Variants in TMTC2 observed in about 807,000 individuals in gnomAD.
The protein encoded by TMTC2 is transmembrane O-mannosyltransferase targeting cadherins 2, also known as protein O-mannosyl-transferase TMTC2.
TMTC2 carries 43 observed loss-of-function variants against 82.4 expected under a neutral mutation model. That is an observed-to-expected ratio of 0.52 (90% CI 0.41 to 0.67). The LOEUF is 0.67. TMTC2 is among the 30% of genes least tolerant of loss of function. The pLI, the probability that TMTC2 is intolerant of heterozygous loss-of-function variation, is 0.00. For synonymous variants in TMTC2, 408 were observed against 381.9 expected, an observed-to-expected ratio of 1.07 and a Z score of -0.80; for missense variants, 919 against 1,012.4, an observed-to-expected ratio of 0.91 and a Z score of 1.25.
intron 1 of TMTC2, among the ~76,000 whole-genome samples, chr12:82,755,341 ACCT>A (rs145463299): frequency 0.013 from 2,028 of 151,974 alleles, 21 homozygotes; most frequent in Middle Eastern, 0.034. Flanking sequence ...CCTTTGGGAA[ACCT>A]CCTATATTCT....
At chr12:82,927,642 A>G (rs889280110) in intron 3 of TMTC2, among the ~76,000 whole-genome samples, 1 of 152,216 alleles carries the variant, frequency 6.6e-6, no homozygotes. Context: ...TCGTGAAAGG[A>G]AGAGTTAATT....
chr12:82,786,452 C>T (rs555517650), intron 1 of TMTC2, among the ~76,000 whole-genome samples: 2 of 152,192 alleles, frequency 1.3e-5, no homozygotes, highest in South Asian at 2.1e-4. Flanking sequence ...ATTTTATTCA[C>T]GTTGACATAG....
At chr12:83,026,526 C>T (rs1881184132) in intron 8 of TMTC2, among the ~76,000 whole-genome samples, 1 of 151,972 alleles carries the variant, frequency 6.6e-6, no homozygotes, top group East Asian at 1.9e-4. Context: ...TATCAAGACA[C>T]ACTACAGAGT....
At chr12:82,742,339 G>A (rs1034736689) in intron 1 of TMTC2, among the ~76,000 whole-genome samples, 7 of 119,656 alleles carry the variant, frequency 5.9e-5, no homozygotes, top group Non-Finnish European at 1.2e-4. Flanking sequence ...AAATGACAAA[G>A]GGGCCTAAAT....
intron 10 of TMTC2, among the ~76,000 whole-genome samples, chr12:83,057,926 G>A (rs150176857): frequency 6.6e-6 from 1 of 151,856 alleles, no homozygotes; most frequent in African/African-American, 2.4e-5. Flanking sequence ...TTTAAATTTA[G>A]CAGTTTTATA....
intron 11 of TMTC2, among the ~76,000 whole-genome samples, chr12:83,112,699 T>A (rs1884635802): frequency 6.6e-6 from 1 of 152,192 alleles, no homozygotes; most frequent in Non-Finnish European, 1.5e-5. Context: ...ATAAAAGAAT[T>A]GAAAAGATGT....
intron 2 of TMTC2, among the ~76,000 whole-genome samples, chr12:82,863,819 C>T (rs1429008130): frequency 1.3e-5 from 2 of 152,034 alleles, no homozygotes; most frequent in African/African-American, 2.4e-5. Context: ...AGGAACATGC[C>T]AATATGCCAG....
intron 1 of TMTC2, among the ~76,000 whole-genome samples, chr12:82,731,089 C>A (rs143774959): frequency 6.6e-6 from 1 of 152,242 alleles, no homozygotes; most frequent in African/African-American, 2.4e-5. Flanking sequence ...GAATCAAGTG[C>A]TAGACTTATC....
Position 82,965,648 on chromosome 12 carries a change from A to T in TMTC2, c.1773A>T (p.Pro591=). The T allele has an allele frequency of 6.2e-7, 1 of 1,613,890 alleles. No individual in the cohort carries two copies. Among genetic ancestry groups the T allele is most frequent in the African/African-American group, 1.3e-5 (1 of 75,042 alleles). ...CATTCTTAAAGTGTTCGGAGATCCCAGATGAAAACCTAAAGGACCCTCATG... is the reference window on the plus strand; with the variant it reads ...CATTCTTAAAGTGTTCGGAGATCCCTGATGAAAACCTAAAGGACCCTCATG... ...RRTFLKCSEI[P]DENLKDPHAH... Residue 591 remains proline (P), a synonymous_variant, in exon 6 of 12, where the codon CCA becomes CCT. Coordinates refer to ENST00000321196, the MANE Select transcript of TMTC2 (RefSeq NM_152588.3).
chr12:82,886,928 G>T (rs1202451049), intron 2 of TMTC2, among the ~76,000 whole-genome samples: 1 of 152,174 alleles, frequency 6.6e-6, no homozygotes, highest in African/African-American at 2.4e-5. Flanking sequence ...ATTTTGGGAA[G>T]GAGGAGAGCT....
chr12:82,745,482 C>G (rs1875642760), intron 1 of TMTC2, among the ~76,000 whole-genome samples: 1 of 152,104 alleles, frequency 6.6e-6, no homozygotes, highest in African/African-American at 2.4e-5. Context: ...TCCATGGGAG[C>G]CTGTTGTAAA....
chr12:83,064,028 CT>C (rs1229724821), intron 11 of TMTC2, among the ~76,000 whole-genome samples: 158 of 131,418 alleles, frequency 1.2e-3, no homozygotes, highest in Middle Eastern at 4.0e-3. Context: ...CAGAGTTTTT[CT>C]TTTTTTTTTA....
In TMTC2 at chr12:83,022,781, A is replaced by G. The variant is rs143603182; in HGVS notation, c.2071-8017A>G. On this transcript the variant is annotated intron_variant, in intron 8 of 11. Transcript: ENST00000321196. Reference sequence around the variant, plus strand: ...CCCTACAGTAAAATGAGCCAATTATACAGATGGTGCAATTAAGAAAATGTT... The same window carrying G: ...CCCTACAGTAAAATGAGCCAATTATGCAGATGGTGCAATTAAGAAAATGTT... 6.7e-3 allele frequency among the ~76,000 whole-genome samples: 1,015 copies of G among 152,230 alleles called. 8 individuals carry two copies. The highest frequency in any genetic ancestry group is 0.021 in the African/African-American group (887 of 41,502).
chr12:82,796,117 C>T (rs1878706504), intron 1 of TMTC2, among the ~76,000 whole-genome samples: 1 of 151,972 alleles, frequency 6.6e-6, no homozygotes, highest in Non-Finnish European at 1.5e-5. Flanking sequence ...CTCCCATGGG[C>T]CTTTTGAGTT....
At chr12:83,030,490 T>G (rs985552317) in intron 8 of TMTC2, among the ~76,000 whole-genome samples, 1 of 151,988 alleles carries the variant, frequency 6.6e-6, no homozygotes, top group African/African-American at 2.4e-5. Context: ...TAAAACTGTC[T>G]TGTCTTTCTG....
chr12:82,693,645 T>A (rs1872666408), intron 1 of TMTC2, among the ~76,000 whole-genome samples: 1 of 152,150 alleles, frequency 6.6e-6, no homozygotes, highest in Admixed American at 6.5e-5. Flanking sequence ...CAGTTATATT[T>A]GTCAGTTGTT....
At chr12:82,837,063 G>T (rs1870084893) in intron 1 of TMTC2, among the ~76,000 whole-genome samples, 1 of 152,234 alleles carries the variant, frequency 6.6e-6, no homozygotes, top group South Asian at 2.1e-4. Context: ...ATTAAAAATG[G>T]AAGTCCAGTT....
chr12:82,743,689 C>T (rs1875534464), intron 1 of TMTC2, among the ~76,000 whole-genome samples: 1 of 151,966 alleles, frequency 6.6e-6, no homozygotes, highest in African/African-American at 2.4e-5. Flanking sequence ...CTTCTTCCTC[C>T]ACTTTGGTTA....
intron 1 of TMTC2, among the ~76,000 whole-genome samples, chr12:82,701,280 T>C (rs997486776): frequency 2.0e-5 from 3 of 152,230 alleles, no homozygotes; most frequent in Non-Finnish European, 4.4e-5. Flanking sequence ...TTGTGTTAAA[T>C]TGATAGCCCG....
Sources: allele counts gnomAD v4.1 joint callset (sites outside exome capture counted in the v4.1 genomes callset), GRCh38; gene constraint gnomAD v4.1.1; transcripts MANE v1.5; gene names NCBI Gene and HGNC (gene_info 2026-07-23, HGNC 2026-07-21).